ALK: variants seen among roughly 807,000 people sequenced by gnomAD.
The protein encoded by ALK is ALK tyrosine kinase receptor.
Under a neutral mutation model 163.1 loss-of-function variants are expected in ALK, and 74 were observed. The ratio of observed to expected loss-of-function variants is 0.45; its 90% CI spans 0.38 to 0.55. ALK has a LOEUF of 0.55. Ranked by LOEUF, ALK falls within the 20% of genes least tolerant of loss-of-function variation. The pLI is 0.00. For synonymous variants in ALK, 960 were observed against 843.2 expected, an observed-to-expected ratio of 1.14 and a Z score of -2.40; for missense variants, 2,063 against 2,105.3, an observed-to-expected ratio of 0.98 and a Z score of 0.39.
chr2:29,317,380 T>C (rs888799661), intron 8 of ALK, among the ~76,000 whole-genome samples: 1 of 151,896 alleles, frequency 6.6e-6, no homozygotes, highest in Admixed American at 6.6e-5. Context: ...AGTGAGGGAG[T>C]ACAAAGAAGC....
chr2:29,683,175 G>A (rs538381745), intron 3 of ALK, among the ~76,000 whole-genome samples: 6 of 152,112 alleles, frequency 3.9e-5, no homozygotes, highest in Non-Finnish European at 5.9e-5. Flanking sequence ...TCAGGAGTTC[G>A]AGACCAACCT....
chr2:29,320,945 C>A, intron 6 of ALK, 63 bp from the exon 7 acceptor site: 1 of 1,609,908 alleles, frequency 6.2e-7, no homozygotes, highest in Non-Finnish European at 8.5e-7. Flanking sequence ...TATGCCAATG[C>A]CAAGTCGAAT....
At chr2:29,308,730 T>C (rs1666603166) in intron 8 of ALK, among the ~76,000 whole-genome samples, 1 of 152,240 alleles carries the variant, frequency 6.6e-6, no homozygotes, top group South Asian at 2.1e-4. Context: ...TATGGGGCTT[T>C]AATAAGATTA....
At chr2:29,236,573 C>T (rs1308728775) in intron 13 of ALK, among the ~76,000 whole-genome samples, 4 of 152,178 alleles carry the variant, frequency 2.6e-5, no homozygotes, top group African/African-American at 9.7e-5. Context: ...CTGATGTCTC[C>T]TTTAGATCAG....
intron 11 of ALK, among the ~76,000 whole-genome samples, chr2:29,268,267 T>C (rs1339264170): frequency 4.6e-5 from 7 of 152,184 alleles, no homozygotes; most frequent in African/African-American, 1.4e-4. Flanking sequence ...TCTGAAATAA[T>C]AGTGTTGATG....
chr2:29,348,476 CT>C (rs767959665), intron 5 of ALK, among the ~76,000 whole-genome samples: 2 of 152,182 alleles, frequency 1.3e-5, no homozygotes, highest in Non-Finnish European at 2.9e-5. Flanking sequence ...AGAAGCTGGC[CT>C]TGTATCAATA....
At chr2:29,448,289 C>T (rs1279221923) in intron 4 of ALK, among the ~76,000 whole-genome samples, 1 of 152,212 alleles carries the variant, frequency 6.6e-6, no homozygotes, top group Non-Finnish European at 1.5e-5. Context: ...AGCCCACAGA[C>T]TTAATATACG....
chr2:29,834,081 T>C (rs1182158719), intron 1 of ALK, among the ~76,000 whole-genome samples: 1 of 152,212 alleles, frequency 6.6e-6, no homozygotes, highest in African/African-American at 2.4e-5. Context: ...ATATAAAATA[T>C]TATTAAACTC....
intron 6 of ALK, among the ~76,000 whole-genome samples, chr2:29,325,753 C>T (rs115691717): frequency 8.9e-4 from 136 of 152,322 alleles, no homozygotes; most frequent in African/African-American, 3.1e-3. Context: ...GCTTCCTTGT[C>T]TCTAACAAAG....
intron 1 of ALK, among the ~76,000 whole-genome samples, chr2:29,874,751 C>T (rs1666661631): frequency 6.6e-6 from 1 of 152,134 alleles, no homozygotes; most frequent in Non-Finnish European, 1.5e-5. Context: ...GGTAGTAATT[C>T]CCATATCAGA....
intron 2 of ALK, 65 bp downstream of exon 2, chr2:29,717,513 C>T (rs1241488321): frequency 1.3e-6 from 2 of 1,596,346 alleles, no homozygotes; most frequent in Admixed American, 1.7e-5. Context: ...CAAACTGAAA[C>T]TCACAGAGTC....
At chr2:29,332,093 G>A (rs533670953) in intron 5 of ALK, among the ~76,000 whole-genome samples, 3 of 151,228 alleles carry the variant, frequency 2.0e-5, no homozygotes, top group African/African-American at 4.9e-5. Context: ...AAGACCATCT[G>A]GGCTAACATG....
intron 1 of ALK, among the ~76,000 whole-genome samples, chr2:29,770,556 AT>A (rs1451739752): frequency 3.3e-5 from 5 of 152,228 alleles, no homozygotes; most frequent in African/African-American, 9.6e-5. Context: ...CCAAATAAGA[AT>A]TATGTAAGAA....
chr2:29,820,605 C>A (rs1473635851), intron 1 of ALK, among the ~76,000 whole-genome samples: 2 of 152,140 alleles, frequency 1.3e-5, no homozygotes, highest in Admixed American at 1.3e-4. Flanking sequence ...AGGGATCCAG[C>A]TGAAAAAGAA....
chr2:29,509,672 T>C (rs1481958577), intron 4 of ALK, among the ~76,000 whole-genome samples: 2 of 152,220 alleles, frequency 1.3e-5, no homozygotes, highest in Non-Finnish European at 2.9e-5. Context: ...AGTTGGAATC[T>C]ATATTTCTTA....
chr2:29,562,719 C>T (rs1363648848), intron 3 of ALK, among the ~76,000 whole-genome samples: 2 of 152,172 alleles, frequency 1.3e-5, no homozygotes, highest in African/African-American at 4.8e-5. Flanking sequence ...TGAATGTGGA[C>T]CCAATTTACT....
At chr2:29,697,239 C>G (rs1402614005) in intron 2 of ALK, among the ~76,000 whole-genome samples, 1 of 152,138 alleles carries the variant, frequency 6.6e-6, no homozygotes, top group Non-Finnish European at 1.5e-5. Flanking sequence ...GCCCTATAAT[C>G]TACCCTTCGA....
chr2:29,749,512 G>A (rs1454358102), intron 1 of ALK, among the ~76,000 whole-genome samples: 3 of 152,180 alleles, frequency 2.0e-5, no homozygotes, highest in African/African-American at 7.2e-5. Flanking sequence ...ACCCCAGAGA[G>A]ACATGTGGGA....
At chr2:29,472,938 A>C (rs1427293979) in intron 4 of ALK, among the ~76,000 whole-genome samples, 1 of 152,210 alleles carries the variant, frequency 6.6e-6, no homozygotes, top group Non-Finnish European at 1.5e-5. Flanking sequence ...GTCTCCTCAA[A>C]TCTGTAGATT....
Sources: gnomAD v4.1 joint callset for allele counts (sites outside exome capture counted in the v4.1 genomes callset) on GRCh38, gnomAD v4.1.1 for gene constraint, MANE v1.5 for transcripts, NCBI Gene and HGNC (gene_info 2026-07-23, HGNC 2026-07-21) for gene names.